PAK3: variants seen among roughly 807,000 people sequenced by gnomAD.
PAK3 encodes the protein serine/threonine-protein kinase PAK 3.
PAK3 carries 4 observed loss-of-function variants against 41.0 expected under a neutral mutation model. The observed-to-expected ratio is 0.10, with a 90% CI of 0.05 to 0.22. The LOEUF is 0.22. Ranked by LOEUF, PAK3 falls within the 10% of genes least tolerant of loss-of-function variation. PAK3 has a pLI of 1.00. For synonymous variants in PAK3, 146 were observed against 139.6 expected (o/e 1.05, Z -0.32); for missense variants, 205 against 409.9 (o/e 0.50, Z 4.32).
chrX:111,108,265 T>C (rs887071696), intron 4 of PAK3, among the ~76,000 whole-genome samples: 3 of 112,041 alleles, frequency 2.7e-5, no homozygotes, highest in African/African-American at 9.7e-5. Context: ...TCCCAGAAGA[T>C]TGTATAACAG....
intron 1 of PAK3, among the ~76,000 whole-genome samples, chrX:111,027,403 T>C (rs1360897538): frequency 3.6e-5 from 4 of 111,496 alleles, no homozygotes; most frequent in Non-Finnish European, 7.5e-5. Flanking sequence ...GGAGAAAATC[T>C]TCACAATCTA....
At chrX:111,147,189 C>T (rs1351791136) in intron 6 of PAK3, among the ~76,000 whole-genome samples, 1 of 111,450 alleles carries the variant, frequency 9.0e-6, no homozygotes. Flanking sequence ...CTCCTACCAA[C>T]CTGCCTTTAT....
chrX:111,001,674 G>A (rs2091851118), intron 1 of PAK3, among the ~76,000 whole-genome samples: 1 of 112,290 alleles, frequency 8.9e-6, no homozygotes, highest in African/African-American at 3.2e-5. Context: ...GGTAATGCAT[G>A]CACTAAACAG....
chrX:111,141,055 CT>C (rs1286563708), intron 5 of PAK3, among the ~76,000 whole-genome samples: 1 of 111,366 alleles, frequency 9.0e-6, no homozygotes, highest in Non-Finnish European at 1.9e-5. Flanking sequence ...TTCATGCTGA[CT>C]TGCCCTGTAT....
chrX:111,218,221 A>T (rs1051194096), intron 17 of PAK3, among the ~76,000 whole-genome samples: 8 of 111,852 alleles, frequency 7.2e-5, no homozygotes, highest in African/African-American at 2.6e-4. Context: ...TTTCTGTATG[A>T]CCTAAGACAG....
chrX:111,197,838 G>A (rs1375651805), intron 16 of PAK3, among the ~76,000 whole-genome samples: 2 of 111,404 alleles, frequency 1.8e-5, no homozygotes, highest in East Asian at 2.9e-4. Context: ...GGGATTACAG[G>A]CATGCACCAC....
intron 1 of PAK3, among the ~76,000 whole-genome samples, chrX:110,998,143 C>A (rs1602707021): frequency 9.0e-6 from 1 of 111,322 alleles, no homozygotes; most frequent in Non-Finnish European, 1.9e-5. Context: ...GGTCTGGACT[C>A]GGGTCAGAAC....
chrX:111,138,981 CA>C (rs981694382), intron 5 of PAK3, among the ~76,000 whole-genome samples: 2 of 109,309 alleles, frequency 1.8e-5, no homozygotes, highest in Non-Finnish European at 3.8e-5. Context: ...AACAAACAAA[CA>C]AACAACAACA....
At chrX:111,135,120 G>A (rs2093770640) in intron 5 of PAK3, among the ~76,000 whole-genome samples, 1 of 110,859 alleles carries the variant, frequency 9.0e-6, no homozygotes, top group African/African-American at 3.3e-5. Context: ...AGTCATACAG[G>A]TGAGAAATGA....
rs2094921349 is a variant in PAK3, at chrX:111,220,760, A to AT, written c.*314dup. The AT allele has an allele frequency of 3.5e-6, 1 of 287,334 alleles. No homozygotes were observed. The highest frequency in any genetic ancestry group is 6.2e-6 in the Non-Finnish European group (1 of 161,620). 23.7% of individuals were successfully genotyped at this position (287,334 alleles called of 1,213,427 possible). On this transcript the variant is annotated 3_prime_UTR_variant, in exon 18 of 18. Coordinates refer to ENST00000372007, the MANE Select transcript of PAK3 (RefSeq NM_002578.5). Reference sequence around the variant, plus strand: ...CTTTGAAGAAAAAGGTTTCTCAAAGATGCACACTCCCTCTTCATAGTGTTG... The same window carrying AT: ...CTTTGAAGAAAAAGGTTTCTCAAAGATTGCACACTCCCTCTTCATAGTGTTG...
chrX:111,000,705 G>T lies in PAK3; in HGVS notation c.-28+56077G>T, dbSNP rs148531989. Reference sequence around the variant, plus strand: ...AAGATTACAGGAAGCTGGGTGAAGGGTATATATGGTAACTCTCTGTGCTAT... The same window carrying T: ...AAGATTACAGGAAGCTGGGTGAAGGTTATATATGGTAACTCTCTGTGCTAT... On this transcript the variant is annotated intron_variant, in intron 1 of 14. Transcript: ENST00000425146. 5.5e-3 allele frequency among the ~76,000 whole-genome samples: 614 copies of T among 111,680 alleles called. 5 individuals are homozygous for T. The highest frequency in any genetic ancestry group is 0.019 in the African/African-American group (589 of 30,707).
intron 14 of PAK3, among the ~76,000 whole-genome samples, chrX:111,195,546 G>A (rs1423154983): frequency 8.9e-6 from 1 of 111,865 alleles, no homozygotes; most frequent in Non-Finnish European, 1.9e-5. Flanking sequence ...AAATAACTGG[G>A]CCAAAGTATA....
intron 1 of PAK3, among the ~76,000 whole-genome samples, chrX:111,027,016 C>A (rs1414272612): frequency 9.0e-6 from 1 of 111,203 alleles, no homozygotes; most frequent in Non-Finnish European, 1.9e-5. Flanking sequence ...ACACTTAGAG[C>A]CAACTTATCT....
At chrX:111,099,952 C>T (rs2093094068) in intron 3 of PAK3, among the ~76,000 whole-genome samples, 1 of 108,789 alleles carries the variant, frequency 9.2e-6, no homozygotes, top group Non-Finnish European at 1.9e-5. Context: ...TTTTTGTATG[C>T]CCTCCAGTTT....
At chrX:111,201,540 G>T (rs2094683798) in intron 16 of PAK3, among the ~76,000 whole-genome samples, 1 of 111,619 alleles carries the variant, frequency 9.0e-6, no homozygotes, top group Non-Finnish European at 1.9e-5. Flanking sequence ...GAGGTGGAAA[G>T]AGGTAGAAGG....
At chrX:110,956,790 C>G (rs1288809271) in intron 1 of PAK3, among the ~76,000 whole-genome samples, 1 of 111,776 alleles carries the variant, frequency 8.9e-6, no homozygotes, top group Non-Finnish European at 1.9e-5. Flanking sequence ...TCAGAGAGCA[C>G]TTAGTCTCCT....
At chrX:111,011,591 T>C (rs1283156654) in intron 1 of PAK3, among the ~76,000 whole-genome samples, 1 of 112,489 alleles carries the variant, frequency 8.9e-6, no homozygotes, top group East Asian at 2.8e-4. Context: ...TAAAGAATTA[T>C]TAAGTGTTTT....
intron 1 of PAK3, among the ~76,000 whole-genome samples, chrX:111,065,317 G>A (rs866043912): frequency 7.5e-4 from 77 of 102,281 alleles, no homozygotes; most frequent in African/African-American, 2.6e-3. Context: ...AGATGATCAC[G>A]TTTTTTTTTT....
chrX:111,162,549 T>C (rs934503192), intron 8 of PAK3, among the ~76,000 whole-genome samples: 5 of 112,180 alleles, frequency 4.5e-5, no homozygotes, highest in African/African-American at 1.6e-4. Context: ...ATTGATAATC[T>C]GCCCAGTATA....
Sources: gnomAD v4.1 joint callset for allele counts (sites outside exome capture counted in the v4.1 genomes callset) on GRCh38, gnomAD v4.1.1 for gene constraint, MANE v1.5 for transcripts, NCBI Gene and HGNC (gene_info 2026-07-23, HGNC 2026-07-21) for gene names.